The following PTPRS variants were observed in gnomAD, a reference collection of about 807,000 sequenced individuals.
PTPRS encodes the protein receptor-type tyrosine-protein phosphatase S.
PTPRS carries 63 observed loss-of-function variants against 215.3 expected under a neutral mutation model. The ratio of observed to expected loss-of-function variants is 0.29; its 90% CI spans 0.24 to 0.36. The LOEUF is 0.36. PTPRS is among the 10% of genes least tolerant of loss of function. The pLI is 1.00. For synonymous variants in PTPRS, 1,404 were observed against 1,191.4 expected (o/e 1.18, Z -3.68); for missense variants, 2,258 against 2,825.8 (o/e 0.80, Z 4.56).
In PTPRS at chr19:5,223,278, C is replaced by T; in HGVS notation, c.2514G>A (p.Leu838=). The T allele has an allele frequency of 6.8e-7, 1 of 1,466,572 alleles. No homozygotes were observed. 90.8% of individuals were successfully genotyped at this position (1,466,572 alleles called of 1,614,324 possible). The change falls in exon 18 of 38, where the codon CTG becomes CTA. Residue 838 remains leucine, a synonymous_variant. Transcript: ENST00000262963. The part of the protein sequence containing the change: ...TKGAVLGRPT[L]SVQQTPEGSL... ...TGCCCTCGGGGGTCTGCTGCACCGA[C>T]AGGGTTGGGCGGCCCAGCACTGCGG...
chr19:5,251,950 C>T (rs1164673973), intron 9 of PTPRS, among the ~76,000 whole-genome samples: 3 of 152,166 alleles, frequency 2.0e-5, no homozygotes, highest in Non-Finnish European at 4.4e-5. Context: ...TTCCAGCCCA[C>T]CATCTATGTC....
Position 5,222,931 on chromosome 19 carries a change from A to C in PTPRS, c.2861T>G (p.Val954Gly). The part of the protein sequence containing the change: ...GTVLLRWLPP[V>G]PAERNGAIVK... ...GATGGCCCCGTTGCGCTCGGCGGGC[A>C]CGGGTGGCAGCCAGCGGAGAAGGAC... The change falls in exon 18 of 38, where the codon GTG becomes GGG. Residue 954 changes from valine (V) to glycine (G), a missense_variant. This residue lies in a region of PTPRS where 361 missense variants were observed against 332.6 expected (regional missense o/e 1.09). Coordinates refer to ENST00000262963, the MANE Select transcript of PTPRS (RefSeq NM_002850.4). The C allele has an allele frequency of 6.4e-7, 1 of 1,559,154 alleles. No homozygotes were observed. The highest frequency in any genetic ancestry group is 8.6e-7 in the Non-Finnish European group (1 of 1,159,910).
chr19:5,307,559 T>C (rs1426966367), intron 1 of PTPRS, among the ~76,000 whole-genome samples: 1 of 152,188 alleles, frequency 6.6e-6, no homozygotes, highest in Non-Finnish European at 1.5e-5. Context: ...TAGAAGATGC[T>C]GCCATTTGGT....
intron 12 of PTPRS, 150 bp downstream of exon 12, chr19:5,240,049 G>A (rs1366703756): frequency 4.1e-6 from 4 of 965,560 alleles, no homozygotes; most frequent in South Asian, 2.1e-5. Context: ...GGCACAAAGG[G>A]ACAGAGACGC....
intron 7 of PTPRS, among the ~76,000 whole-genome samples, chr19:5,258,759 A>G (rs1270412749): frequency 6.6e-6 from 1 of 152,200 alleles, no homozygotes; most frequent in African/African-American, 2.4e-5. Flanking sequence ...CAGCTAAAGT[A>G]AAAAAACGTT....
intron 27 of PTPRS, 31 bp downstream of exon 27, chr19:5,215,467 T>G (rs2041340767): frequency 1.3e-6 from 2 of 1,599,170 alleles, no homozygotes; most frequent in Non-Finnish European, 1.7e-6. Context: ...GAGGCCGAGG[T>G]GATGAGGGTG....
intron 14 of PTPRS, among the ~76,000 whole-genome samples, chr19:5,229,908 C>CA (rs2042878989): frequency 6.6e-6 from 1 of 151,746 alleles, no homozygotes; most frequent in Non-Finnish European, 1.5e-5. Context: ...CCAGGCTGCC[C>CA]CCCCCCGAGT....
intron 4 of PTPRS, among the ~76,000 whole-genome samples, chr19:5,268,136 C>G (rs1307416758): frequency 6.6e-6 from 1 of 152,124 alleles, no homozygotes; most frequent in African/African-American, 2.4e-5. Context: ...CGCCACTGCA[C>G]TCCAGCCTGG....
rs1239199393 is a variant in PTPRS at position 5,237,718 on chromosome 19, C to T, written c.1849+1201G>A. Among the ~76,000 whole-genome samples the T allele has an allele frequency of 6.6e-6, 1 of 152,202 alleles. No homozygotes were observed. The highest frequency in any genetic ancestry group is 2.4e-5 in the African/African-American group (1 of 41,446). ...ACCTTCAGGACACCTCAGCCAGTCT[C>T]TCAGGTGGCTGCCCAAGCCACAGGC... On this transcript the variant is annotated intron_variant, in intron 13 of 37. Coordinates refer to ENST00000262963, the MANE Select transcript of PTPRS (RefSeq NM_002850.4). The surrounding 1 kb of genome is among the most constrained non-coding windows in gnomAD (Gnocchi z 4.2).
In PTPRS at chr19:5,237,116, G is replaced by A. The variant is rs537878113; in HGVS notation, c.1849+1803C>T. 7.2e-5 allele frequency among the ~76,000 whole-genome samples: 11 copies of A among 152,306 alleles called. No homozygotes were observed. Among genetic ancestry groups the A allele is most frequent in the South Asian group, 2.1e-4 (1 of 4,824 alleles). ...GAGCGCTGAGCTACAAGGCCAGACC[G>A]AACTCTTGGTGGGTCTCAGGATGCC... On this transcript the variant is annotated intron_variant, in intron 13 of 37. Transcript: ENST00000262963. This position sits in a 1 kb window ranked among gnomAD's most constrained non-coding sequence, Gnocchi z 4.2.
In PTPRS at chr19:5,339,779, G is replaced by C. The variant is rs1049316357; in HGVS notation, c.-95+885C>G. 2.0e-5 allele frequency among the ~76,000 whole-genome samples: 3 copies of C among 151,676 alleles called. No homozygotes were observed. Among genetic ancestry groups the C allele is most frequent in the African/African-American group, 7.3e-5 (3 of 41,358 alleles). Reference sequence around the variant, plus strand: ...TCCCCTCCCCCCGCAGCCCCCGGGGGCTCCCGGGGCGTGCGGAACCCGCGG... The same window carrying C: ...TCCCCTCCCCCCGCAGCCCCCGGGGCCTCCCGGGGCGTGCGGAACCCGCGG... On this transcript the variant is annotated intron_variant, in intron 1 of 37. Transcript: ENST00000262963. The surrounding 1 kb of genome is among the most constrained non-coding windows in gnomAD (Gnocchi z 4.2).
chr19:5,290,841 G>A (rs1474562089), intron 1 of PTPRS, among the ~76,000 whole-genome samples: 1 of 151,888 alleles, frequency 6.6e-6, no homozygotes, highest in Non-Finnish European at 1.5e-5. Context: ...GCCACCGCCT[G>A]GAACGTCATT....
intron 1 of PTPRS, among the ~76,000 whole-genome samples, chr19:5,331,297 ATTT>A (rs60930224): frequency 0.02 from 3,019 of 150,460 alleles, 90 homozygotes; most frequent in African/African-American, 0.069. Context: ...CCCTCGGCTG[ATTT>A]TTTTTTGTTT....
At chr19:5,229,842 C>T (rs1295920244) in intron 14 of PTPRS, among the ~76,000 whole-genome samples, 158 bp from the exon 15 acceptor site, 1 of 151,988 alleles carries the variant, frequency 6.6e-6, no homozygotes, top group Non-Finnish European at 1.5e-5. Context: ...AGGACATGGC[C>T]TCCTGCACAC....
chr19:5,223,240 C>T lies in PTPRS; in HGVS notation c.2552G>A (p.Arg851His), dbSNP rs199604489. Reference protein sequence around the residue: ...QQTPEGSLLARWEPPAGTAED... With the variant: ...QQTPEGSLLAHWEPPAGTAED... ...CGCGGTGCCAGCCGGGGGCTCCCAGCGTGCCAGCAGGCTGCCCTCGGGGGT... is the reference window on the plus strand; with the variant it reads ...CGCGGTGCCAGCCGGGGGCTCCCAGTGTGCCAGCAGGCTGCCCTCGGGGGT... Residue 851 changes from arginine to histidine, a missense_variant, in exon 18 of 38, where the codon CGC (arginine) becomes CAC (histidine). By Grantham distance (29) the Arg-to-His change is conservative (BLOSUM62 0). Coordinates refer to ENST00000262963, the MANE Select transcript of PTPRS (RefSeq NM_002850.4). 4 of 1,486,914 alleles carry T rather than the reference C, an allele frequency of 2.7e-6. No homozygotes were observed. The highest frequency in any genetic ancestry group is 2.3e-5 in the Admixed American group (1 of 44,348). 92.1% of individuals were successfully genotyped at this position (1,486,914 alleles called of 1,614,324 possible). A position where few individuals can be genotyped will look rare whatever the true frequency, so the allele number is the denominator to read the frequency against.
intron 16 of PTPRS, among the ~76,000 whole-genome samples, chr19:5,227,484 A>G (rs2042604941): frequency 6.7e-6 from 1 of 149,664 alleles, no homozygotes. Flanking sequence ...GCATGGTCTC[A>G]GCTCACTGCA....
At chr19:5,335,367 G>A (rs577291502) in intron 1 of PTPRS, among the ~76,000 whole-genome samples, 17 of 152,320 alleles carry the variant, frequency 1.1e-4, no homozygotes, top group East Asian at 5.8e-4. Context: ...CAGGCAACCC[G>A]CCCTAGTTTG....
intron 4 of PTPRS, among the ~76,000 whole-genome samples, chr19:5,271,091 G>A (rs933901053): frequency 1.3e-5 from 2 of 152,224 alleles, no homozygotes; most frequent in African/African-American, 4.8e-5. Context: ...TGCCGTGGAG[G>A]ACATTGGAAT....
rs1211158383 is a variant in PTPRS, at chr19:5,214,687, C to T, written c.4368G>A (p.Arg1456=). ...GCGTGGCAATGTACGCGTTCTGACA[C>T]CGGTAGCCGTCCACGTAGTTGGCAT... ...YINANYVDGY[R]CQNAYIATQG... The change falls in exon 29 of 38, where the codon CGG becomes CGA. Residue 1456 remains arginine, a synonymous_variant. Coordinates refer to ENST00000262963, the MANE Select transcript of PTPRS (RefSeq NM_002850.4). 1 of 1,612,442 alleles carries T rather than the reference C, an allele frequency of 6.2e-7. No individual in the cohort carries two copies. The highest frequency in any genetic ancestry group is 8.5e-7 in the Non-Finnish European group (1 of 1,179,478).
Sources: allele counts gnomAD v4.1 joint callset (sites outside exome capture counted in the v4.1 genomes callset), GRCh38; gene constraint gnomAD v4.1.1; regional missense constraint gnomAD v4.1.1; non-coding constraint Gnocchi (gnomAD v3.1); transcripts MANE v1.5; gene names NCBI Gene and HGNC (gene_info 2026-07-23, HGNC 2026-07-21).